The following PRELID2 variants were observed in gnomAD, a reference collection of about 807,000 sequenced individuals.
The protein encoded by PRELID2 is PRELI domain-containing protein 2.
A neutral mutation model predicts 28.4 loss-of-function variants in PRELID2; 25 were observed. The ratio of observed to expected loss-of-function variants is 0.88; its 90% confidence interval spans 0.64 to 1.23. The LOEUF (loss-of-function observed/expected upper bound fraction) is 1.23. Among genes scored for constraint, PRELID2 ranks in the 50% most tolerant of loss-of-function variants. PRELID2 has a pLI of 0.00. For synonymous variants in PRELID2, 76 were observed against 71.6 expected, an observed-to-expected ratio of 1.06 and a Z score of -0.31; for missense variants, 201 against 214.4, an observed-to-expected ratio of 0.94 and a Z score of 0.39.
At chr5:145,426,874 A>T in the PRELID2 span, among the ~76,000 whole-genome samples, 1 of 152,182 alleles carries the variant, frequency 6.6e-6, no homozygotes, top group African/African-American at 2.4e-5. Flanking sequence ...TTTCCTACCC[A>T]GGATTCTAGT....
chr5:145,566,987 A>C (rs552906079), intron 1 of PRELID2, among the ~76,000 whole-genome samples: 1 of 152,186 alleles, frequency 6.6e-6, no homozygotes, highest in South Asian at 2.1e-4. Flanking sequence ...ATTTACACTA[A>C]ATGTGTTTCT....
chr5:145,803,265 T>C (rs556711983), intron 4 of PRELID2, among the ~76,000 whole-genome samples: 79 of 152,280 alleles, frequency 5.2e-4, no homozygotes, highest in African/African-American at 1.8e-3. Context: ...TGGCAGACTA[T>C]GTAGTCTCTC....
intron 1 of PRELID2, among the ~76,000 whole-genome samples, chr5:145,736,498 T>A (rs891294094): frequency 1.3e-5 from 2 of 152,220 alleles, no homozygotes; most frequent in African/African-American, 2.4e-5. Flanking sequence ...TTAGTCATAA[T>A]GAGTAGACTA....
chr5:145,413,958 A>G, the PRELID2 span, among the ~76,000 whole-genome samples: 1 of 152,178 alleles, frequency 6.6e-6, no homozygotes, highest in African/African-American at 2.4e-5. Context: ...TTGGTTCCAC[A>G]TCTTAGCTAT....
intron 1 of PRELID2, among the ~76,000 whole-genome samples, chr5:145,745,225 C>T (rs1476791808): frequency 2.6e-5 from 4 of 152,110 alleles, no homozygotes; most frequent in African/African-American, 9.7e-5. Context: ...AAAGACCAAA[C>T]CTATGATAGA....
At chr5:145,374,825 C>A in the PRELID2 span, among the ~76,000 whole-genome samples, 4 of 152,146 alleles carry the variant, frequency 2.6e-5, no homozygotes, top group African/African-American at 4.8e-5. Context: ...TGTTTTTCAG[C>A]TCCATCAGGT....
chr5:145,535,852 T>C (rs1186716539), intron 1 of PRELID2, among the ~76,000 whole-genome samples: 1 of 151,956 alleles, frequency 6.6e-6, no homozygotes, highest in Non-Finnish European at 1.5e-5. Context: ...TGTCACATAC[T>C]AGAATCAAAG....
At chr5:145,633,372 T>C (rs1415456012) in intron 1 of PRELID2, among the ~76,000 whole-genome samples, 4 of 152,222 alleles carry the variant, frequency 2.6e-5, no homozygotes, top group African/African-American at 9.6e-5. Context: ...AAGTCCAATG[T>C]GTTTCATGTA....
intron 1 of PRELID2, among the ~76,000 whole-genome samples, chr5:145,730,462 T>C (rs1204258558): frequency 2.6e-5 from 4 of 152,196 alleles, no homozygotes; most frequent in African/African-American, 7.2e-5. Flanking sequence ...GGCATGAAGA[T>C]CCATGAACAG....
the PRELID2 span, among the ~76,000 whole-genome samples, chr5:145,425,592 T>C: frequency 6.6e-6 from 1 of 152,080 alleles, no homozygotes; most frequent in African/African-American, 2.4e-5. Flanking sequence ...AGAACAAGAT[T>C]ACGTCCTTTG....
the PRELID2 span, among the ~76,000 whole-genome samples, chr5:145,414,279 G>T: frequency 0.67 from 101,664 of 151,998 alleles, 34,492 homozygotes; most frequent in Non-Finnish European, 0.72. Flanking sequence ...TGGCAGATGT[G>T]TCCTAATAGG....
the PRELID2 span, among the ~76,000 whole-genome samples, chr5:145,381,957 T>G: frequency 3.1e-5 from 2 of 64,818 alleles, no homozygotes; most frequent in Middle Eastern, 9.8e-3. Flanking sequence ...GATTACTTAG[T>G]TTTTTTTTTT....
chr5:145,688,395 A>C (rs1755078897), intron 1 of PRELID2, among the ~76,000 whole-genome samples: 1 of 152,230 alleles, frequency 6.6e-6, no homozygotes, highest in South Asian at 2.1e-4. Flanking sequence ...AAGTAAAAAG[A>C]AAGCATGGAA....
the PRELID2 span, among the ~76,000 whole-genome samples, chr5:145,381,883 T>G: frequency 2.1e-4 from 32 of 151,910 alleles, no homozygotes; most frequent in African/African-American, 7.7e-4. Context: ...AGACACATAT[T>G]TAAAACCCAG....
chr5:145,267,041 A>C, the PRELID2 span, among the ~76,000 whole-genome samples: 1 of 152,206 alleles, frequency 6.6e-6, no homozygotes, highest in Admixed American at 6.6e-5. Flanking sequence ...GAGTTTATTA[A>C]GTATTAACTC....
At chr5:145,634,274 T>G (rs1753971222) in intron 1 of PRELID2, among the ~76,000 whole-genome samples, 1 of 152,166 alleles carries the variant, frequency 6.6e-6, no homozygotes, top group South Asian at 2.1e-4. Context: ...CACTGGGTCA[T>G]GCAAACACTC....
At chr5:145,408,588 G>T in the PRELID2 span, among the ~76,000 whole-genome samples, 1 of 150,956 alleles carries the variant, frequency 6.6e-6, no homozygotes, top group Admixed American at 6.6e-5. Flanking sequence ...AAAATACAAG[G>T]GATAGAATAG....
At chr5:145,373,223 T>C in the PRELID2 span, among the ~76,000 whole-genome samples, 2 of 61,492 alleles carry the variant, frequency 3.3e-5, no homozygotes, top group African/African-American at 1.2e-4. Context: ...ATATGATATA[T>C]ATTACAACAT....
In PRELID2 at chr5:145,771,756, G is replaced by A. The variant is rs148266293; in HGVS notation, c.475-6756C>T. ...TGTAATCCCTGCTACTTGGGAGGCT[G>A]AGGCAGGAGAATTGCTTGAACGTGG... is the stretch of plus-strand genomic sequence containing the variant. On this transcript the variant is annotated intron_variant, in intron 5 of 6. Coordinates refer to ENST00000683046, the MANE Select transcript of PRELID2 (RefSeq NM_205846.3). Among the ~76,000 whole-genome samples the A allele has an allele frequency of 4.7e-3, 708 of 152,214 alleles. 1 individual carries two copies. Among genetic ancestry groups the A allele is most frequent in the African/African-American group, 0.016 (662 of 41,528 alleles).
Sources: allele counts gnomAD v4.1 joint callset (sites outside exome capture counted in the v4.1 genomes callset), GRCh38; gene constraint gnomAD v4.1.1; transcripts MANE v1.5; gene names NCBI Gene and HGNC (gene_info 2026-07-23, HGNC 2026-07-21).